The following STX8 variants were observed in gnomAD, a reference collection of about 807,000 sequenced individuals.
The protein encoded by STX8 is syntaxin 8.
A neutral mutation model predicts 37.5 loss-of-function variants in STX8; 23 were observed. The ratio of observed to expected loss-of-function variants is 0.61; its 90% CI spans 0.44 to 0.87. The LOEUF (loss-of-function observed/expected upper bound fraction) is 0.87, where lower values mean the gene tolerates loss of function less well. STX8 is among the 40% of genes least tolerant of loss of function. The pLI, the probability that STX8 is intolerant of heterozygous loss-of-function variation, is 0.00. For synonymous variants in STX8, 115 were observed against 99.1 expected, an observed-to-expected ratio of 1.16 and a Z score of -0.95; for missense variants, 313 against 284.7, an observed-to-expected ratio of 1.10 and a Z score of -0.71.
chr17:9,565,594 T>G (rs1283677533), intron 2 of STX8, among the ~76,000 whole-genome samples: 4 of 75,346 alleles, frequency 5.3e-5, no homozygotes, highest in Non-Finnish European at 9.5e-5. Flanking sequence ...CCAGCCTAGG[T>G]GAGAAGAAAC....
chr17:9,254,004 C>T (rs1906688991), intron 7 of STX8, among the ~76,000 whole-genome samples: 2 of 152,128 alleles, frequency 1.3e-5, no homozygotes, highest in South Asian at 4.1e-4. Flanking sequence ...GACTGCTTTC[C>T]CCGGTCCCTG....
chr17:9,268,826 A>G (rs1907328642), intron 7 of STX8, among the ~76,000 whole-genome samples: 1 of 152,218 alleles, frequency 6.6e-6, no homozygotes, highest in South Asian at 2.1e-4. Flanking sequence ...CAAGCCATCA[A>G]TTCTAGAACA....
At chr17:9,552,637 T>C (rs1354237556) in intron 3 of STX8, among the ~76,000 whole-genome samples, 2 of 151,746 alleles carry the variant, frequency 1.3e-5, no homozygotes, top group African/African-American at 4.8e-5. Context: ...GTAGAGAAAA[T>C]TTATTTATAG....
intron 7 of STX8, among the ~76,000 whole-genome samples, chr17:9,322,824 A>G (rs1909622855): frequency 6.7e-6 from 1 of 149,148 alleles, no homozygotes; most frequent in East Asian, 1.9e-4. Flanking sequence ...TAAAAAAAAA[A>G]AAAAAAAAAA....
intron 7 of STX8, among the ~76,000 whole-genome samples, chr17:9,268,641 T>G (rs1331014358): frequency 1.3e-5 from 2 of 152,132 alleles, no homozygotes; most frequent in African/African-American, 4.8e-5. Flanking sequence ...AGGCTGCCAT[T>G]TTCGGAGTTG....
At chr17:9,287,208 G>A (rs185082140) in intron 7 of STX8, among the ~76,000 whole-genome samples, 66 of 152,282 alleles carry the variant, frequency 4.3e-4, no homozygotes, top group African/African-American at 1.5e-3. Flanking sequence ...AGTAGATGAC[G>A]ATGAAACCTA....
At chr17:9,261,552 A>G (rs1907038192) in intron 7 of STX8, among the ~76,000 whole-genome samples, 1 of 152,204 alleles carries the variant, frequency 6.6e-6, no homozygotes, top group Non-Finnish European at 1.5e-5. Context: ...GGGAGTGTGT[A>G]AAAACTCTGC....
At chr17:9,573,516 C>A (rs1386785767) in intron 1 of STX8, among the ~76,000 whole-genome samples, 2 of 152,174 alleles carry the variant, frequency 1.3e-5, no homozygotes, top group East Asian at 3.9e-4. Flanking sequence ...TGTATTAATT[C>A]ATGTATTATT....
At chr17:9,373,217 T>A (rs1272160901) in intron 7 of STX8, among the ~76,000 whole-genome samples, 1 of 152,114 alleles carries the variant, frequency 6.6e-6, no homozygotes, top group African/African-American at 2.4e-5. Flanking sequence ...ATATGAAGGT[T>A]CCTCAAACAT....
At chr17:9,489,080 T>C (rs563521041) in intron 6 of STX8, among the ~76,000 whole-genome samples, 95 of 152,268 alleles carry the variant, frequency 6.2e-4, no homozygotes, top group African/African-American at 2.0e-3. Flanking sequence ...TTTTACCACG[T>C]TGGCCAGGCT....
At chr17:9,498,107 C>T (rs1418840995) in intron 5 of STX8, among the ~76,000 whole-genome samples, 1 of 151,982 alleles carries the variant, frequency 6.6e-6, no homozygotes, top group Non-Finnish European at 1.5e-5. Flanking sequence ...AATCAGGTCA[C>T]CCAGGTGCAG....
intron 7 of STX8, among the ~76,000 whole-genome samples, chr17:9,273,595 G>C (rs558912598): frequency 6.6e-6 from 1 of 152,210 alleles, no homozygotes; most frequent in East Asian, 1.9e-4. Flanking sequence ...AGTAGAGCTC[G>C]TCCCACATCC....
intron 6 of STX8, among the ~76,000 whole-genome samples, chr17:9,411,021 T>C (rs1912961681): frequency 6.6e-6 from 1 of 152,190 alleles, no homozygotes; most frequent in African/African-American, 2.4e-5. Context: ...CATTATTTGC[T>C]CAAATAACAA....
chr17:9,397,054 T>C (rs940757030), intron 6 of STX8, among the ~76,000 whole-genome samples: 3 of 152,170 alleles, frequency 2.0e-5, no homozygotes, highest in African/African-American at 4.8e-5. Context: ...CCCACAGGGG[T>C]ACAGGTTAAC....
At chr17:9,567,396 T>A (rs1204419955) in intron 2 of STX8, among the ~76,000 whole-genome samples, 1 of 152,210 alleles carries the variant, frequency 6.6e-6, no homozygotes, top group Non-Finnish European at 1.5e-5. Flanking sequence ...GAACTCAGTG[T>A]TTGTCGTGGT....
intron 7 of STX8, among the ~76,000 whole-genome samples, chr17:9,374,925 G>A (rs1173843148): frequency 1.3e-5 from 2 of 151,772 alleles, no homozygotes; most frequent in Non-Finnish European, 2.9e-5. Context: ...TTAGCTGGGT[G>A]TGGTGGTGCA....
At position 9,465,963 on chromosome 17, in the gene STX8, C is replaced by T. The variant is rs575603706; in HGVS notation, c.541+25866G>A. Among the ~76,000 whole-genome samples the T allele has an allele frequency of 1.9e-4, 29 of 152,028 alleles. No individual in the cohort carries two copies. In the South Asian group the frequency reaches 2.9e-3, roughly 15 times the overall value. Reference sequence around the variant, plus strand: ...AAAGCCCTTGTTTTTAACCACCATACTATTTTAGTATTCTTTTTTTTTTTC... The same window carrying T: ...AAAGCCCTTGTTTTTAACCACCATATTATTTTAGTATTCTTTTTTTTTTTC... On this transcript the variant is annotated intron_variant, in intron 6 of 7. Coordinates refer to ENST00000306357, the MANE Select transcript of STX8 (RefSeq NM_004853.3).
At chr17:9,311,236 C>CAA (rs1217019833) in intron 7 of STX8, among the ~76,000 whole-genome samples, 8 of 82,976 alleles carry the variant, frequency 9.6e-5, no homozygotes, top group Non-Finnish European at 1.1e-4. Flanking sequence ...GACTCCGTCT[C>CAA]AAAAAAAAAA....
chr17:9,505,246 G>T, intron 4 of STX8, 84 bp from the exon 5 acceptor site: 1 of 1,473,150 alleles, frequency 6.8e-7, no homozygotes, highest in South Asian at 1.3e-5. Context: ...GAGGTGGCCA[G>T]CCTTGAATGC....
Sources: allele counts gnomAD v4.1 joint callset (sites outside exome capture counted in the v4.1 genomes callset), GRCh38; gene constraint gnomAD v4.1.1; transcripts MANE v1.5; gene names NCBI Gene and HGNC (gene_info 2026-07-23, HGNC 2026-07-21).